CNTN6: variants seen among roughly 807,000 people sequenced by gnomAD.
CNTN6 encodes the protein contactin 6, also known as contactin-6.
Under a neutral mutation model 122.8 loss-of-function variants are expected in CNTN6, and 137 were observed. That is an observed-to-expected ratio of 1.12 (90% CI 0.97 to 1.29). The LOEUF (loss-of-function observed/expected upper bound fraction) is 1.29. Among genes scored for constraint, CNTN6 ranks in the 50% most tolerant of loss-of-function variants. CNTN6 has a pLI of 0.00. For missense variants in CNTN6, 1,634 were observed against 1,223.4 expected, an observed-to-expected ratio of 1.34 and a Z score of -5.01; for synonymous variants, 570 against 426.0, an observed-to-expected ratio of 1.34 and a Z score of -4.16.
chr3:1,293,130 G>A (rs768544546), intron 5 of CNTN6, among the ~76,000 whole-genome samples: 1 of 152,144 alleles, frequency 6.6e-6, no homozygotes, highest in Non-Finnish European at 1.5e-5. Context: ...TGTCTGCAGA[G>A]ACAAATTTCT....
At chr3:1,109,272 G>T (rs1365576183) in intron 1 of CNTN6, among the ~76,000 whole-genome samples, 1 of 152,010 alleles carries the variant, frequency 6.6e-6, no homozygotes, top group Non-Finnish European at 1.5e-5. Flanking sequence ...GAATGCAGTG[G>T]CTGTGGTTTC....
chr3:1,342,907 G>C (rs968927713), intron 11 of CNTN6, among the ~76,000 whole-genome samples: 1 of 151,976 alleles, frequency 6.6e-6, no homozygotes, highest in African/African-American at 2.4e-5. Flanking sequence ...ATTTATACTT[G>C]AGTTTTTTTC....
intron 4 of CNTN6, among the ~76,000 whole-genome samples, chr3:1,235,340 T>A (rs1381339532): frequency 6.6e-6 from 1 of 152,152 alleles, no homozygotes; most frequent in Non-Finnish European, 1.5e-5. Flanking sequence ...AAGGAATTTA[T>A]GAACATAGCA....
chr3:1,350,797 C>T (rs970808268), intron 11 of CNTN6, among the ~76,000 whole-genome samples: 12 of 151,846 alleles, frequency 7.9e-5, no homozygotes, highest in East Asian at 1.9e-4. Context: ...CTGTGTTGCT[C>T]AATATTCCTA....
chr3:1,219,752 A>G (rs2036235), intron 2 of CNTN6, among the ~76,000 whole-genome samples: 37,495 of 152,122 alleles, frequency 0.25, 6,056 homozygotes, highest in East Asian at 0.49. Flanking sequence ...ATGGTGGATC[A>G]TGCCTGTAAT....
chr3:1,140,338 C>T (rs2092580618), intron 1 of CNTN6, among the ~76,000 whole-genome samples: 1 of 152,114 alleles, frequency 6.6e-6, no homozygotes, highest in South Asian at 2.1e-4. Context: ...GTGCAGTGCC[C>T]CAGATCAAGA....
At chr3:1,294,961 T>C (rs555418104) in intron 5 of CNTN6, among the ~76,000 whole-genome samples, 26 of 152,260 alleles carry the variant, frequency 1.7e-4, no homozygotes, top group African/African-American at 5.5e-4. Flanking sequence ...CTTAAAATTA[T>C]GTAATAATCA....
rs868433097 is a variant in CNTN6 at position 1,329,846 on chromosome 3, G to A, written c.1275G>A (p.Gly425=). The part of the protein sequence containing the change: ...VKKKSFVQVG[G]DIVIGCKPNA... ...AAAAGTCTTTTGTTCAAGTTGGTGG[G>A]GATATTGTTATCGGATGCAAACCAA... The change falls in exon 11 of 23, where the codon GGG becomes GGA. Residue 425 remains glycine (G), a synonymous_variant. Transcript: ENST00000446702. 5.0e-6 allele frequency: 8 copies of A among 1,610,842 alleles called. No individual in the cohort carries two copies. Among genetic ancestry groups the A allele is most frequent in the Non-Finnish European group, 6.8e-6 (8 of 1,178,108 alleles).
chr3:1,315,794 A>G (rs896243447), intron 7 of CNTN6, among the ~76,000 whole-genome samples: 1 of 151,860 alleles, frequency 6.6e-6, no homozygotes, highest in Admixed American at 6.6e-5. Flanking sequence ...TGAAGTGAAC[A>G]TGACTACTAT....
At chr3:1,325,065 T>C (rs3821430) in intron 8 of CNTN6, among the ~76,000 whole-genome samples, 8,612 of 151,870 alleles carry the variant, frequency 0.057, 296 homozygotes, top group East Asian at 0.17. Context: ...GAAAGAGATA[T>C]TCATGTGAAA....
intron 4 of CNTN6, among the ~76,000 whole-genome samples, chr3:1,242,566 G>A (rs556847467): frequency 6.6e-6 from 1 of 152,308 alleles, no homozygotes; most frequent in East Asian, 1.9e-4. Context: ...GTTGAGCGGG[G>A]TAAGGGTGAT....
At chr3:1,326,241 C>T (rs895604911) in intron 9 of CNTN6, among the ~76,000 whole-genome samples, 4 of 151,838 alleles carry the variant, frequency 2.6e-5, no homozygotes, top group African/African-American at 4.8e-5. Context: ...ATCATCGACA[C>T]GGATAACACT....
At chr3:1,386,067 C>T (rs1026983566) in intron 20 of CNTN6, among the ~76,000 whole-genome samples, 9 of 152,136 alleles carry the variant, frequency 5.9e-5, no homozygotes, top group African/African-American at 1.4e-4. Flanking sequence ...GCCCTGACGC[C>T]CTCCTTCTAA....
chr3:1,167,907 T>C lies in CNTN6; in HGVS notation c.55+19844T>C, dbSNP rs145672952. ...GACGACATAGGAAATGTCATTCTTT[T>C]TTTCATTTCATTTATTTATTTTGAG... On this transcript the variant is annotated intron_variant, in intron 2 of 22. Coordinates refer to ENST00000446702, the MANE Select transcript of CNTN6 (RefSeq NM_001289080.2). 3.2e-3 allele frequency among the ~76,000 whole-genome samples: 494 copies of C among 152,320 alleles called. 2 individuals carry two copies. The highest frequency in any genetic ancestry group is 0.011 in the African/African-American group (476 of 41,574).
chr3:1,101,819 A>G (rs1478207829), intron 1 of CNTN6, among the ~76,000 whole-genome samples: 1 of 152,200 alleles, frequency 6.6e-6, no homozygotes, highest in Non-Finnish European at 1.5e-5. Flanking sequence ...ATTAGTTTAT[A>G]TATTCTTTGG....
intron 4 of CNTN6, among the ~76,000 whole-genome samples, chr3:1,264,539 C>G (rs1227580902): frequency 6.6e-6 from 1 of 151,916 alleles, no homozygotes; most frequent in East Asian, 1.9e-4. Flanking sequence ...TAACTTAAAC[C>G]AGCTTCATCT....
chr3:1,220,870 A>T, intron 3 of CNTN6, 57 bp downstream of exon 3: 1 of 1,511,442 alleles, frequency 6.6e-7, no homozygotes, highest in Non-Finnish European at 8.9e-7. Flanking sequence ...GAACCAAAAC[A>T]TACACAAAAT....
chr3:1,246,249 AT>A (rs1353668746), intron 4 of CNTN6, among the ~76,000 whole-genome samples: 25 of 152,076 alleles, frequency 1.6e-4, no homozygotes, highest in African/African-American at 6.0e-4. Flanking sequence ...TGACTTGTGA[AT>A]TTGTAATTAT....
chr3:1,162,142 A>G (rs2093149228), intron 2 of CNTN6, among the ~76,000 whole-genome samples: 1 of 152,206 alleles, frequency 6.6e-6, no homozygotes, highest in Non-Finnish European at 1.5e-5. Flanking sequence ...ACAATAGAAC[A>G]GATTGGGTAC....
Sources: gnomAD v4.1 joint callset for allele counts (sites outside exome capture counted in the v4.1 genomes callset) on GRCh38, gnomAD v4.1.1 for gene constraint, MANE v1.5 for transcripts, NCBI Gene and HGNC (gene_info 2026-07-23, HGNC 2026-07-21) for gene names.